C5: variants seen among roughly 807,000 people sequenced by gnomAD.
C5 encodes C3 and PZP-like alpha-2-macroglobulin domain-containing protein 4.
In C5, 140 loss-of-function variants were observed where a neutral mutation model predicts 218.8. The observed-to-expected ratio is 0.64, with a 90% confidence interval of 0.56 to 0.74. The LOEUF is 0.74. Ranked by LOEUF, C5 falls within the 30% of genes least tolerant of loss-of-function variation. The pLI is 0.00. For missense variants in C5, 1,700 were observed against 1,969.6 expected, an observed-to-expected ratio of 0.86 and a Z score of 2.59; for synonymous variants, 614 against 682.3, an observed-to-expected ratio of 0.90 and a Z score of 1.56.
the C5 span, among the ~76,000 whole-genome samples, chr9:121,066,060 A>C: frequency 6.6e-6 from 1 of 152,136 alleles, no homozygotes; most frequent in Non-Finnish European, 1.5e-5. Flanking sequence ...CACGCCTGTA[A>C]TCCCAGCATT....
intron 20 of C5, among the ~76,000 whole-genome samples, chr9:121,003,484 A>T (rs1383083127): frequency 6.6e-6 from 1 of 152,234 alleles, no homozygotes; most frequent in African/African-American, 2.4e-5. Flanking sequence ...AAAAAGAGTG[A>T]CATTTCTTAA....
intron 4 of C5, among the ~76,000 whole-genome samples, chr9:121,037,459 G>A (rs931911170): frequency 1.3e-5 from 2 of 149,068 alleles, no homozygotes; most frequent in Non-Finnish European, 1.5e-5. Flanking sequence ...GACTACAGGC[G>A]CCTGCCACTG....
At chr9:121,053,198 A>G (rs1427578790), upstream of C5, among the ~76,000 whole-genome samples, 1 of 152,190 alleles carries the variant, frequency 6.6e-6, no homozygotes, top group Non-Finnish European at 1.5e-5. Flanking sequence ...AGACACGGGA[A>G]TCATACAAGT....
At chr9:121,011,672 C>T (rs1024066633) in intron 17 of C5, among the ~76,000 whole-genome samples, 9 of 152,150 alleles carry the variant, frequency 5.9e-5, no homozygotes, top group African/African-American at 1.4e-4. Flanking sequence ...GATATCTGCA[C>T]GCCCATGTTT....
At chr9:120,988,084 C>T (rs1003796419) in intron 25 of C5, among the ~76,000 whole-genome samples, 2 of 152,206 alleles carry the variant, frequency 1.3e-5, no homozygotes, top group Admixed American at 6.5e-5. Context: ...AGCCACCATG[C>T]CCAGCCGGTA....
At chr9:121,037,744 C>T (rs897980934) in intron 4 of C5, 137 bp downstream of exon 4, 8 of 523,038 alleles carry the variant, frequency 1.5e-5, no homozygotes, top group East Asian at 3.0e-5. Context: ...ATCTATGATT[C>T]TATACTCATT....
At chr9:121,038,521 AAG>A (rs2047549921) in intron 3 of C5, among the ~76,000 whole-genome samples, 2 of 152,218 alleles carry the variant, frequency 1.3e-5, no homozygotes, top group Admixed American at 1.3e-4. Flanking sequence ...TCATTGTTAA[AAG>A]AGCAATGGCA....
intron 22 of C5, among the ~76,000 whole-genome samples, chr9:120,993,562 A>G (rs1427003672): frequency 1.3e-5 from 2 of 152,062 alleles, no homozygotes; most frequent in Non-Finnish European, 2.9e-5. Context: ...AGCTGGGACT[A>G]CAGGTGCCCA....
chr9:120,976,872 T>C lies in C5; in HGVS notation c.3692A>G (p.Asn1231Ser). The C allele has an allele frequency of 2.5e-6, 4 of 1,614,162 alleles. No homozygotes were observed. Among genetic ancestry groups the C allele is most frequent in the South Asian group, 1.1e-5 (1 of 91,084 alleles). ...NPPIYRFWKD[N>S]LQHKDSSVPN... ...TACAGAGCTGTCTTTATGCTGAAGA[T>C]TGTCTTTCCAAAAACGATAAATGGG... is the stretch of plus-strand genomic sequence containing the variant. Residue 1231 changes from asparagine to serine, a missense_variant, in exon 29 of 41, where the codon AAT becomes AGT. By Grantham distance (46) the Asn-to-Ser change is conservative. Transcript: ENST00000223642.
intron 12 of C5, among the ~76,000 whole-genome samples, 177 bp from the exon 13 acceptor site, chr9:121,018,029 G>A (rs866607451): frequency 2.0e-5 from 3 of 151,828 alleles, no homozygotes; most frequent in Admixed American, 2.0e-4. Context: ...GAGGTGGGCC[G>A]ATCACTTGAG....
At position 121,021,491 on chromosome 9, in the gene C5, CAGG is replaced by C. The variant is rs2047364570; in HGVS notation, c.1302+15_1302+17del. 1.2e-6 allele frequency: 2 copies of C among 1,600,790 alleles called. No homozygotes were observed. Among genetic ancestry groups the C allele is most frequent in the Admixed American group, 3.3e-5 (2 of 59,968 alleles). On this transcript the variant is annotated intron_variant, in intron 11 of 40. Transcript: ENST00000223642. ...GTACACATTGTCCTAGAAAATACAA[CAGG>C]AGAATTCAGCTCACATTAAACTCCA...
chr9:120,959,264 C>CT (rs747502247), intron 38 of C5, among the ~76,000 whole-genome samples: 43 of 73,334 alleles, frequency 5.9e-4, no homozygotes, highest in African/African-American at 6.3e-4. Context: ...TTCTTTCTTT[C>CT]TTTTTTTTTT....
chr9:120,956,096 G>A (rs996597482), intron 39 of C5, among the ~76,000 whole-genome samples: 31 of 152,196 alleles, frequency 2.0e-4, no homozygotes, highest in Admixed American at 1.8e-3. Flanking sequence ...AGGAGTTCAG[G>A]ACCAGCCTGG....
chr9:121,034,474 A>G (rs2047505838), intron 5 of C5, among the ~76,000 whole-genome samples: 1 of 152,230 alleles, frequency 6.6e-6, no homozygotes, highest in Non-Finnish European at 1.5e-5. Flanking sequence ...TAGCAACCAG[A>G]GCAAGGAACA....
At chr9:120,989,802 T>C in intron 23 of C5, 22 bp from the exon 24 acceptor site, 1 of 1,575,230 alleles carries the variant, frequency 6.3e-7, no homozygotes, top group Non-Finnish European at 8.7e-7. Flanking sequence ...AAGATCAAAG[T>C]AGACACATTG....
intron 12 of C5, 102 bp downstream of exon 12, chr9:121,019,874 T>C: frequency 1.3e-6 from 1 of 758,930 alleles, no homozygotes; most frequent in South Asian, 1.6e-5. Context: ...TGAAAGTGCT[T>C]TGGGAATAAA....
chr9:121,020,239 T>TA, intron 11 of C5, 60 bp from the exon 12 acceptor site: 1 of 1,201,880 alleles, frequency 8.3e-7, no homozygotes, highest in Non-Finnish European at 1.2e-6. Context: ...CTGTAAAACA[T>TA]ACCTTTCAAA....
intron 33 of C5, among the ~76,000 whole-genome samples, chr9:120,966,155 G>A (rs1456631266): frequency 2.6e-5 from 4 of 152,176 alleles, no homozygotes; most frequent in African/African-American, 9.7e-5. Context: ...CCTAACTTCA[G>A]TGTCAACAGA....
chr9:121,041,153 AGGCT>A (rs2131815453), intron 3 of C5, among the ~76,000 whole-genome samples: 1 of 151,982 alleles, frequency 6.6e-6, no homozygotes, highest in Admixed American at 6.6e-5. Context: ...CATGTTGGTC[AGGCT>A]GGTCTCAAAC....
Sources: allele counts gnomAD v4.1 joint callset (sites outside exome capture counted in the v4.1 genomes callset), GRCh38; gene constraint gnomAD v4.1.1; transcripts MANE v1.5; gene names NCBI Gene and HGNC (gene_info 2026-07-23, HGNC 2026-07-21).